Variants in GALNTL6 observed in about 807,000 individuals in gnomAD.
GALNTL6 encodes the protein polypeptide N-acetylgalactosaminyltransferase like 6.
GALNTL6 carries 46 observed loss-of-function variants against 73.7 expected under a neutral mutation model. That is an observed-to-expected ratio of 0.62 (90% CI 0.49 to 0.80). The LOEUF (loss-of-function observed/expected upper bound fraction) is 0.80, where lower values mean the gene tolerates loss of function less well. Ranked by LOEUF, GALNTL6 falls within the 30% of genes least tolerant of loss-of-function variation. GALNTL6 has a pLI of 0.00. For missense variants in GALNTL6, 604 were observed against 755.0 expected (o/e 0.80, Z 2.34); for synonymous variants, 259 against 263.7 (o/e 0.98, Z 0.17).
At chr4:172,542,397 T>C (rs1279405576) in intron 5 of GALNTL6, among the ~76,000 whole-genome samples, 1 of 152,162 alleles carries the variant, frequency 6.6e-6, no homozygotes, top group Admixed American at 6.5e-5. Flanking sequence ...TGTCTGCAGC[T>C]TGACTTTACA....
intron 5 of GALNTL6, among the ~76,000 whole-genome samples, chr4:172,520,991 A>G (rs1734757397): frequency 6.6e-6 from 1 of 152,084 alleles, no homozygotes; most frequent in Admixed American, 6.5e-5. Context: ...AAATAGGTGT[A>G]AACAATTAAA....
intron 5 of GALNTL6, among the ~76,000 whole-genome samples, chr4:172,395,599 G>A (rs554905384): frequency 1.6e-4 from 25 of 152,186 alleles, no homozygotes; most frequent in African/African-American, 5.8e-4. Flanking sequence ...TGAGATATCA[G>A]ACCTTTGACG....
At chr4:172,785,513 C>G (rs965835993) in intron 5 of GALNTL6, among the ~76,000 whole-genome samples, 1 of 152,012 alleles carries the variant, frequency 6.6e-6, no homozygotes, top group Admixed American at 6.6e-5. Flanking sequence ...TAATATGTGT[C>G]AGGCACTATT....
chr4:172,315,293 C>T (rs1278955480), intron 4 of GALNTL6, among the ~76,000 whole-genome samples: 3 of 152,080 alleles, frequency 2.0e-5, no homozygotes, highest in Admixed American at 2.0e-4. Context: ...GATGGAGTTT[C>T]ACTCTTGTTG....
intron 2 of GALNTL6, among the ~76,000 whole-genome samples, chr4:171,877,815 T>C (rs1357211001): frequency 6.6e-6 from 1 of 152,156 alleles, no homozygotes; most frequent in Non-Finnish European, 1.5e-5. Flanking sequence ...AAAATAATGA[T>C]TAAAAACCAA....
chr4:172,337,769 A>G (rs745942332), intron 4 of GALNTL6, among the ~76,000 whole-genome samples: 3 of 145,616 alleles, frequency 2.1e-5, no homozygotes, highest in Non-Finnish European at 4.5e-5. Flanking sequence ...TATTTTGTAT[A>G]GTATCATACA....
At chr4:172,895,762 C>A (rs1746292649) in intron 8 of GALNTL6, among the ~76,000 whole-genome samples, 1 of 151,984 alleles carries the variant, frequency 6.6e-6, no homozygotes, top group Non-Finnish European at 1.5e-5. Flanking sequence ...GAATATTTGC[C>A]CTTTTGATGT....
intron 5 of GALNTL6, among the ~76,000 whole-genome samples, chr4:172,553,981 T>C (rs1170170251): frequency 6.6e-6 from 1 of 152,092 alleles, no homozygotes; most frequent in African/African-American, 2.4e-5. Context: ...GTGACTATGA[T>C]TGGATCCCTG....
intron 9 of GALNTL6, among the ~76,000 whole-genome samples, chr4:172,934,441 A>G (rs1281141996): frequency 6.6e-6 from 1 of 152,220 alleles, no homozygotes. Flanking sequence ...AAAAAATAGA[A>G]TGCAAGACAG....
intron 5 of GALNTL6, among the ~76,000 whole-genome samples, chr4:172,502,606 G>A (rs1364323960): frequency 1.3e-5 from 2 of 152,152 alleles, no homozygotes; most frequent in Admixed American, 1.3e-4. Context: ...GTCCTAAACT[G>A]TGTATATTAA....
At chr4:171,972,038 G>A (rs1053085988) in intron 2 of GALNTL6, among the ~76,000 whole-genome samples, 4 of 152,042 alleles carry the variant, frequency 2.6e-5, no homozygotes, top group Non-Finnish European at 5.9e-5. Context: ...ATCCACTGTG[G>A]TGCAATAATT....
At chr4:171,825,671 G>A (rs779283766) in intron 2 of GALNTL6, among the ~76,000 whole-genome samples, 37 of 152,122 alleles carry the variant, frequency 2.4e-4, no homozygotes, top group Non-Finnish European at 4.7e-4. Flanking sequence ...ATATAAGCAA[G>A]TCTATCACTT....
chr4:173,018,338 C>A (rs966702046), intron 11 of GALNTL6, among the ~76,000 whole-genome samples: 1 of 152,128 alleles, frequency 6.6e-6, no homozygotes, highest in African/African-American at 2.4e-5. Context: ...AGCACAAACT[C>A]ATTTGAGAGA....
chr4:171,883,479 G>T (rs544036353), intron 2 of GALNTL6, among the ~76,000 whole-genome samples: 1 of 152,186 alleles, frequency 6.6e-6, no homozygotes, highest in Non-Finnish European at 1.5e-5. Context: ...TTATTTGTGC[G>T]ATTTGCCTGC....
At chr4:172,390,359 C>A (rs1206046855) in intron 5 of GALNTL6, among the ~76,000 whole-genome samples, 1 of 152,206 alleles carries the variant, frequency 6.6e-6, no homozygotes, top group Non-Finnish European at 1.5e-5. Flanking sequence ...CTCCCTTACT[C>A]ATGCTTGTGT....
At chr4:171,841,508 C>A (rs1735238915) in intron 2 of GALNTL6, among the ~76,000 whole-genome samples, 1 of 151,926 alleles carries the variant, frequency 6.6e-6, no homozygotes, top group Non-Finnish European at 1.5e-5. Context: ...ACAAAAATAA[C>A]CTTCTCAATT....
In GALNTL6 at chr4:172,158,904, G is replaced by T. The variant is rs145754107; in HGVS notation, c.139-70752G>T. Among the ~76,000 whole-genome samples the T allele has an allele frequency of 8.6e-3, 1,315 of 152,246 alleles. 5 individuals are homozygous for T. Among genetic ancestry groups the T allele is most frequent in the Admixed American group, 0.016 (243 of 15,282 alleles). Reference sequence around the variant, plus strand: ...AATAAGAAAAAATGTACAGGAATATGAATGACCATGTGAATGCAACTGAAA... The same window carrying T: ...AATAAGAAAAAATGTACAGGAATATTAATGACCATGTGAATGCAACTGAAA... On this transcript the variant is annotated intron_variant, in intron 2 of 12. Transcript: ENST00000506823.
rs769820166 is a variant in GALNTL6, at chr4:171,939,566, C to T, written c.138+124848C>T. Among the ~76,000 whole-genome samples the T allele has an allele frequency of 4.7e-4, 72 of 151,796 alleles. 2 individuals carry two copies. The highest frequency in any genetic ancestry group is 1.0e-3 in the Non-Finnish European group (68 of 67,926). ...ATTAATTAATTAGAATACAGAATTT[C>T]TCTGTGGAAGTCCCCAAATCATGCA... On this transcript the variant is annotated intron_variant, in intron 2 of 12. Coordinates refer to ENST00000506823, the MANE Select transcript of GALNTL6 (RefSeq NM_001034845.3).
chr4:171,966,344 GT>G (rs1246684192), intron 2 of GALNTL6, among the ~76,000 whole-genome samples: 3 of 152,114 alleles, frequency 2.0e-5, no homozygotes, highest in Non-Finnish European at 4.4e-5. Flanking sequence ...ATTAAGAAAG[GT>G]TTTTCTGTAA....
Sources: gnomAD v4.1 joint callset for allele counts (sites outside exome capture counted in the v4.1 genomes callset) on GRCh38, gnomAD v4.1.1 for gene constraint, MANE v1.5 for transcripts, NCBI Gene and HGNC (gene_info 2026-07-23, HGNC 2026-07-21) for gene names.